NELL2: variants seen among roughly 807,000 people sequenced by gnomAD.
NELL2 encodes protein kinase C-binding protein NELL2.
A neutral mutation model predicts 109.6 loss-of-function variants in NELL2; 41 were observed. The ratio of observed to expected loss-of-function variants is 0.37; its 90% confidence interval spans 0.29 to 0.49. NELL2 has a LOEUF of 0.49. Ranked by LOEUF, NELL2 falls within the 20% of genes least tolerant of loss-of-function variation. The probability of loss-of-function intolerance (pLI) is 0.98; values close to 1 mark genes in which losing one functional copy is unlikely to be tolerated. For missense variants in NELL2, 900 were observed against 1,008.3 expected, an observed-to-expected ratio of 0.89 and a Z score of 1.45; for synonymous variants, 355 against 344.7, an observed-to-expected ratio of 1.03 and a Z score of -0.33.
At chr12:44,768,131 T>C (rs539419303) in intron 9 of NELL2, among the ~76,000 whole-genome samples, 134 of 152,302 alleles carry the variant, frequency 8.8e-4, no homozygotes, top group Middle Eastern at 3.4e-3. Flanking sequence ...TAACAGTAGA[T>C]TTATATTTTT....
At chr12:44,682,934 A>G (rs1025253509) in intron 12 of NELL2, among the ~76,000 whole-genome samples, 4 of 152,200 alleles carry the variant, frequency 2.6e-5, no homozygotes, top group Admixed American at 2.0e-4. Flanking sequence ...ACTTTAAAGT[A>G]GTTTTTTCCA....
chr12:44,555,587 G>T (rs1943221656), intron 15 of NELL2, among the ~76,000 whole-genome samples: 1 of 152,138 alleles, frequency 6.6e-6, no homozygotes, highest in Non-Finnish European at 1.5e-5. Context: ...AGTGGACACT[G>T]GAGTCTCAGA....
chr12:44,846,909 G>A (rs565705369), intron 2 of NELL2, among the ~76,000 whole-genome samples: 2 of 152,250 alleles, frequency 1.3e-5, no homozygotes, highest in East Asian at 3.9e-4. Flanking sequence ...ATATACTGTG[G>A]CATTCTGAGA....
intron 9 of NELL2, among the ~76,000 whole-genome samples, chr12:44,741,602 C>T (rs1321193211): frequency 6.6e-6 from 1 of 152,222 alleles, no homozygotes; most frequent in Non-Finnish European, 1.5e-5. Context: ...GTCACTCCCA[C>T]CCTAATACTG....
At chr12:44,702,387 T>C (rs1182496263) in intron 12 of NELL2, among the ~76,000 whole-genome samples, 1 of 152,044 alleles carries the variant, frequency 6.6e-6, no homozygotes, top group Non-Finnish European at 1.5e-5. Flanking sequence ...TACTAAATAT[T>C]TATTACATGA....
chr12:44,863,998 G>A (rs994647452), intron 2 of NELL2, among the ~76,000 whole-genome samples: 1 of 152,042 alleles, frequency 6.6e-6, no homozygotes, highest in Non-Finnish European at 1.5e-5. Flanking sequence ...AAAATAGCCT[G>A]TTTTAACTAC....
intron 15 of NELL2, among the ~76,000 whole-genome samples, chr12:44,586,108 T>C (rs932403111): frequency 1.8e-4 from 27 of 151,540 alleles, no homozygotes; most frequent in Non-Finnish European, 2.8e-4. Flanking sequence ...TATCTCATTC[T>C]TGAGAAGATA....
intron 15 of NELL2, among the ~76,000 whole-genome samples, chr12:44,550,892 C>G (rs1455393959): frequency 6.6e-6 from 1 of 152,090 alleles, no homozygotes; most frequent in African/African-American, 2.4e-5. Flanking sequence ...GATGGTTAAA[C>G]TGTGCAAAGT....
chr12:44,739,916 T>C (rs969476770), intron 9 of NELL2, among the ~76,000 whole-genome samples: 3 of 152,068 alleles, frequency 2.0e-5, no homozygotes, highest in South Asian at 2.1e-4. Flanking sequence ...AAAAAAAACA[T>C]GGTTTTATTA....
chr12:44,598,852 A>AAT (rs1432796299), intron 15 of NELL2, among the ~76,000 whole-genome samples: 10 of 60,136 alleles, frequency 1.7e-4, no homozygotes, highest in African/African-American at 9.5e-4. Flanking sequence ...GTAAGAAAGA[A>AAT]ATACACACAC....
At chr12:44,709,907 A>C (rs984802692) in intron 11 of NELL2, among the ~76,000 whole-genome samples, 1 of 152,204 alleles carries the variant, frequency 6.6e-6, no homozygotes, top group Non-Finnish European at 1.5e-5. Context: ...GCTTTGTGTA[A>C]GGCACTGACT....
intron 12 of NELL2, among the ~76,000 whole-genome samples, chr12:44,681,633 G>C (rs1322752203): frequency 6.6e-6 from 1 of 151,688 alleles, no homozygotes; most frequent in African/African-American, 2.4e-5. Context: ...TGTTCTCACT[G>C]TTCAACTCCC....
At chr12:44,885,818 A>T (rs1276610550) in intron 1 of NELL2, among the ~76,000 whole-genome samples, 1 of 151,836 alleles carries the variant, frequency 6.6e-6, no homozygotes, top group African/African-American at 2.4e-5. Context: ...AAAACAGAAA[A>T]GCCAAAAATT....
At chr12:44,540,857 A>C (rs1942528320) in intron 15 of NELL2, among the ~76,000 whole-genome samples, 1 of 147,894 alleles carries the variant, frequency 6.8e-6, no homozygotes, top group East Asian at 2.1e-4. Context: ...CTAAACATTA[A>C]TGTGAAATCA....
intron 12 of NELL2, among the ~76,000 whole-genome samples, chr12:44,677,840 AC>A (rs1296261224): frequency 3.3e-5 from 5 of 152,058 alleles, no homozygotes; most frequent in African/African-American, 1.2e-4. Flanking sequence ...AGTGTAGGGA[AC>A]TGGAGGACTG....
intron 12 of NELL2, among the ~76,000 whole-genome samples, chr12:44,672,056 A>T (rs981859675): frequency 6.6e-6 from 1 of 152,204 alleles, no homozygotes; most frequent in Non-Finnish European, 1.5e-5. Context: ...CTGGTGAGAG[A>T]TGATAGTTCC....
chr12:44,876,954 T>G (rs1438170440), upstream of NELL2: 3 of 1,148,566 alleles, frequency 2.6e-6, no homozygotes, highest in Middle Eastern at 3.4e-4. Context: ...GCGGAGAGCT[T>G]CCCGGGCGCG....
intron 15 of NELL2, among the ~76,000 whole-genome samples, chr12:44,538,440 C>G (rs528315493): frequency 6.6e-5 from 10 of 152,172 alleles, no homozygotes; most frequent in Non-Finnish European, 1.3e-4. Flanking sequence ...GTTTACAACA[C>G]ACGTTCACAT....
intron 19 of NELL2, among the ~76,000 whole-genome samples, chr12:44,513,783 T>C (rs1222656907): frequency 1.3e-5 from 2 of 151,802 alleles, no homozygotes; most frequent in Non-Finnish European, 2.9e-5. Context: ...TTTAGGATAA[T>C]TAAACCATCT....
Sources: allele counts gnomAD v4.1 joint callset (sites outside exome capture counted in the v4.1 genomes callset), GRCh38; gene constraint gnomAD v4.1.1; transcripts MANE v1.5; gene names NCBI Gene and HGNC (gene_info 2026-07-23, HGNC 2026-07-21).